ELAPOR2: variants seen among roughly 807,000 people sequenced by gnomAD.
ELAPOR2 encodes the protein endosome-lysosome associated apoptosis and autophagy regulator family member 2.
ELAPOR2 carries 89 observed loss-of-function variants against 120.7 expected under a neutral mutation model. The ratio of observed to expected loss-of-function variants is 0.74; its 90% CI spans 0.62 to 0.88. ELAPOR2 has a LOEUF of 0.88. Among genes scored for constraint, ELAPOR2 ranks in the 40% least tolerant of loss-of-function variants. The pLI, the probability that ELAPOR2 is intolerant of heterozygous loss-of-function variation, is 0.00. For synonymous variants in ELAPOR2, 444 were observed against 444.9 expected (o/e 1.00, Z 0.03); for missense variants, 1,134 against 1,251.6 (o/e 0.91, Z 1.42).
At chr7:86,919,937 G>C (rs1789751346) in intron 10 of ELAPOR2, 1 of 152,084 alleles carries the variant, frequency 6.6e-6, no homozygotes, top group Non-Finnish European at 1.5e-5. Context: ...CTTCTGCAAA[G>C]TAACAATCAA....
chr7:86,975,150 G>C (rs551627336), intron 1 of ELAPOR2, among the ~76,000 whole-genome samples: 1 of 152,262 alleles, frequency 6.6e-6, no homozygotes, highest in South Asian at 2.1e-4. Context: ...CTTCAGAAGG[G>C]ATAACTCCAC....
intron 10 of ELAPOR2, among the ~76,000 whole-genome samples, chr7:86,924,423 T>C (rs75971870): frequency 0.024 from 3,545 of 149,058 alleles, 151 homozygotes; most frequent in African/African-American, 0.08. Flanking sequence ...ATTAGTCCTT[T>C]TATAGAGTTA....
At chr7:86,935,100 G>C (rs1161210972) in intron 8 of ELAPOR2, among the ~76,000 whole-genome samples, 1 of 151,910 alleles carries the variant, frequency 6.6e-6, no homozygotes, top group South Asian at 2.1e-4. Context: ...CACTGCCAAA[G>C]GGATCTATAT....
At chr7:86,986,569 C>A (rs183931914) in intron 1 of ELAPOR2, among the ~76,000 whole-genome samples, 1,271 of 61,832 alleles carry the variant, frequency 0.021, 26 homozygotes, top group African/African-American at 0.11. Flanking sequence ...GACAAACAGA[C>A]AAATCATGAG....
In ELAPOR2 at chr7:86,879,289, G is replaced by C. The variant is rs1343352301; in HGVS notation, c.*1182C>G. On this transcript the variant is annotated 3_prime_UTR_variant, in exon 22 of 22. Transcript: ENST00000450689. Reference sequence around the variant, plus strand: ...TATCCAAGTCGTGCTAATACCAGTAGCCCACCATAGAAAATATCACAATTA... The same window carrying C: ...TATCCAAGTCGTGCTAATACCAGTACCCCACCATAGAAAATATCACAATTA... 2.0e-5 allele frequency: 3 copies of C among 152,018 alleles called. No homozygotes were observed. Among genetic ancestry groups the C allele is most frequent in the African/African-American group, 7.2e-5 (3 of 41,400 alleles). 9.4% of individuals were successfully genotyped at this position (152,018 alleles called of 1,614,324 possible).
chr7:86,993,234 CAA>C (rs1159917841), intron 1 of ELAPOR2, among the ~76,000 whole-genome samples: 5 of 57,132 alleles, frequency 8.8e-5, no homozygotes, highest in Admixed American at 2.2e-4. Context: ...GACTCCATCT[CAA>C]AAAAAAAAAA....
intron 1 of ELAPOR2, among the ~76,000 whole-genome samples, chr7:86,967,828 T>C (rs115816211): frequency 0.037 from 5,664 of 152,320 alleles, 365 homozygotes; most frequent in African/African-American, 0.13. Flanking sequence ...CTACAGCTAC[T>C]ATTGTTACCA....
chr7:86,994,472 T>G (rs1793057387), intron 1 of ELAPOR2, among the ~76,000 whole-genome samples: 1 of 152,240 alleles, frequency 6.6e-6, no homozygotes, highest in Non-Finnish European at 1.5e-5. Context: ...TGCACATCCC[T>G]GAGAAACAGC....
chr7:86,932,848 A>G (rs1278281831), intron 8 of ELAPOR2, among the ~76,000 whole-genome samples: 1 of 151,880 alleles, frequency 6.6e-6, no homozygotes, highest in Non-Finnish European at 1.5e-5. Context: ...GTGCTTTTAT[A>G]TCTGAGAGTT....
intron 21 of ELAPOR2, among the ~76,000 whole-genome samples, chr7:86,887,829 T>A (rs1799764297): frequency 6.6e-6 from 1 of 151,964 alleles, no homozygotes; most frequent in Non-Finnish European, 1.5e-5. Flanking sequence ...AAAGGGATCA[T>A]CTCCTTTTGG....
intron 1 of ELAPOR2, among the ~76,000 whole-genome samples, chr7:86,996,908 C>T (rs747055764): frequency 2.3e-4 from 35 of 152,250 alleles, no homozygotes; most frequent in Middle Eastern, 3.4e-3. Context: ...CACCTTAAGT[C>T]AGAAGTTTTG....
At chr7:86,970,382 T>C (rs1792065664) in intron 1 of ELAPOR2, among the ~76,000 whole-genome samples, 2 of 152,180 alleles carry the variant, frequency 1.3e-5, no homozygotes, top group Admixed American at 6.6e-5. Context: ...TTCCTTCTCT[T>C]TGAATTTTTT....
intron 1 of ELAPOR2, among the ~76,000 whole-genome samples, chr7:87,053,404 C>T (rs1795173132): frequency 6.6e-6 from 1 of 152,104 alleles, no homozygotes. Context: ...TATTCAAAGC[C>T]TCTGGTAAAA....
At chr7:86,979,433 A>T (rs1792386174) in intron 1 of ELAPOR2, among the ~76,000 whole-genome samples, 1 of 152,240 alleles carries the variant, frequency 6.6e-6, no homozygotes, top group South Asian at 2.1e-4. Context: ...TTATAAAAAG[A>T]GCTCAAGTTA....
Position 86,991,611 on chromosome 7 carries a change from G to C in ELAPOR2, c.190-26587C>G, listed in dbSNP as rs370381166. On this transcript the variant is annotated intron_variant, in intron 1 of 21. Coordinates refer to ENST00000450689, the MANE Select transcript of ELAPOR2 (RefSeq NM_001142749.3). ...ATTTGCCCCAACTCTATTATACCAG[G>C]GCAGTCACTGGAATAAGCCAGGCAG... Among the ~76,000 whole-genome samples the C allele has an allele frequency of 2.8e-4, 42 of 152,172 alleles. 1 individual carries two copies. The South Asian group carries it at 8.1e-3, about 29-fold the overall frequency.
chr7:86,935,712 T>C (rs1790535113), intron 8 of ELAPOR2, among the ~76,000 whole-genome samples: 2 of 151,954 alleles, frequency 1.3e-5, no homozygotes, highest in Admixed American at 1.3e-4. Flanking sequence ...GCCACTGCTC[T>C]ACATCTATGG....
intron 1 of ELAPOR2, among the ~76,000 whole-genome samples, chr7:86,987,444 C>T (rs893364165): frequency 3.3e-5 from 5 of 152,000 alleles, no homozygotes; most frequent in African/African-American, 1.2e-4. Context: ...TGCAATCTAC[C>T]CATCTGACAA....
intron 1 of ELAPOR2, among the ~76,000 whole-genome samples, chr7:87,020,731 A>G (rs1021009010): frequency 2.0e-5 from 3 of 152,126 alleles, no homozygotes; most frequent in Admixed American, 1.3e-4. Flanking sequence ...TTTCACTTTT[A>G]AATGATTAAT....
rs1318849879 is a variant in ELAPOR2 at position 86,880,434 on chromosome 7, C to G, written c.*37G>C. 3 of 1,487,140 alleles carry G rather than the reference C, an allele frequency of 2.0e-6. No homozygotes were observed. The highest frequency in any genetic ancestry group is 3.4e-5 in the Admixed American group (2 of 59,362). The allele number at this position is 1,487,140 out of a possible 1,614,324, so 92.1% of individuals were successfully genotyped here. A position where few individuals can be genotyped will look rare whatever the true frequency, so the allele number is the denominator to read the frequency against. ...GGTCCTGTAAAACTAGAGCAGGTTT[C>G]TTTGTTCATTAGTCTCAAGGCTACA... On this transcript the variant is annotated 3_prime_UTR_variant, in exon 22 of 22. Coordinates refer to ENST00000450689, the MANE Select transcript of ELAPOR2 (RefSeq NM_001142749.3).
Sources: gnomAD v4.1 joint callset for allele counts (sites outside exome capture counted in the v4.1 genomes callset) on GRCh38, gnomAD v4.1.1 for gene constraint, MANE v1.5 for transcripts, NCBI Gene and HGNC (gene_info 2026-07-23, HGNC 2026-07-21) for gene names.